DDX60L: variants seen among roughly 807,000 people sequenced by gnomAD.
DDX60L encodes the protein probable ATP-dependent RNA helicase DDX60-like.
In DDX60L, 191 loss-of-function variants were observed where a neutral mutation model predicts 211.6. The ratio of observed to expected loss-of-function variants is 0.90; its 90% CI spans 0.80 to 1.02. The LOEUF (loss-of-function observed/expected upper bound fraction) is 1.02, where lower values mean the gene tolerates loss of function less well. Among genes scored for constraint, DDX60L ranks in the 50% least tolerant of loss-of-function variants. The probability of loss-of-function intolerance (pLI) is 0.00; values close to 1 mark genes in which losing one functional copy is unlikely to be tolerated. For missense variants in DDX60L, 2,007 were observed against 1,984.1 expected, an observed-to-expected ratio of 1.01 and a Z score of -0.22; for synonymous variants, 706 against 694.1, an observed-to-expected ratio of 1.02 and a Z score of -0.27.
At chr4:168,447,306 G>A (rs375681025) in intron 9 of DDX60L, among the ~76,000 whole-genome samples, 5,225 of 148,350 alleles carry the variant, frequency 0.035, 178 homozygotes, top group Non-Finnish European at 0.044. Flanking sequence ...GGCCATCAGA[G>A]AAATGCAAAT....
chr4:168,467,250 A>T (rs1387121908), intron 4 of DDX60L, among the ~76,000 whole-genome samples: 1 of 152,090 alleles, frequency 6.6e-6, no homozygotes, highest in African/African-American at 2.4e-5. Context: ...CTTTATAAAA[A>T]ATACAAAAAT....
chr4:168,378,306 A>T (rs1358352424), intron 33 of DDX60L, 48 bp downstream of exon 33: 1 of 1,141,466 alleles, frequency 8.8e-7, no homozygotes, highest in Admixed American at 2.4e-5. Flanking sequence ...AGTAGCATAC[A>T]TTTAATAACT....
intron 29 of DDX60L, among the ~76,000 whole-genome samples, chr4:168,390,980 G>C (rs946315650): frequency 6.8e-6 from 1 of 147,522 alleles, no homozygotes. Context: ...TAAAAAAAAA[G>C]CATACTCCCA....
intron 9 of DDX60L, among the ~76,000 whole-genome samples, chr4:168,443,043 C>T (rs1158900453): frequency 3.3e-5 from 5 of 152,150 alleles, no homozygotes; most frequent in East Asian, 1.9e-4. Flanking sequence ...CTTTGATGAG[C>T]TGAGAGAAGA....
intron 5 of DDX60L, among the ~76,000 whole-genome samples, chr4:168,458,403 C>A (rs557628486): frequency 6.6e-6 from 1 of 152,236 alleles, no homozygotes; most frequent in South Asian, 2.1e-4. Flanking sequence ...GAAATCAACC[C>A]AAATGCCCAT....
Position 168,400,950 on chromosome 4 carries a change from C to T in DDX60L, c.3367G>A (p.Ala1123Thr). 1 of 1,613,824 alleles carries T rather than the reference C, an allele frequency of 6.2e-7. No individual in the cohort carries two copies. The highest frequency in any genetic ancestry group is 8.5e-7 in the Non-Finnish European group (1 of 1,179,816). The part of the protein sequence containing the change: ...LFKNDDVGKR[A>T]GSVCTFLEKT... Reference sequence around the variant, plus strand: ...TCCAGAAAAGTGCACACACTTCCAGCTCTTTTTCCCACATCATCATTCTTA... The same window carrying T: ...TCCAGAAAAGTGCACACACTTCCAGTTCTTTTTCCCACATCATCATTCTTA... Residue 1123 changes from alanine (A) to threonine (T), a missense_variant, in exon 26 of 38, where the codon GCT becomes ACT. Coordinates refer to ENST00000682922, the MANE Select transcript of DDX60L (RefSeq NM_001012967.3).
intron 4 of DDX60L, chr4:168,469,174 C>T (rs1758403839): frequency 6.6e-6 from 1 of 152,146 alleles, no homozygotes; most frequent in Non-Finnish European, 1.5e-5. Context: ...TAAAATTACA[C>T]AAATCAGGAC....
At chr4:168,423,064 G>A (rs894725504) in intron 15 of DDX60L, among the ~76,000 whole-genome samples, 1 of 151,446 alleles carries the variant, frequency 6.6e-6, no homozygotes, top group Non-Finnish European at 1.5e-5. Context: ...CAAGTGATCT[G>A]CTCACCTTGA....
chr4:168,415,758 T>A lies in DDX60L; in HGVS notation c.2768A>T (p.Lys923Met). The A allele has an allele frequency of 6.3e-7, 1 of 1,587,864 alleles. No homozygotes were observed. The highest frequency in any genetic ancestry group is 8.6e-7 in the Non-Finnish European group (1 of 1,165,706). ...SVKQYWKQAD[K>M]IMEEKCISEK... ...AGAAATACATTTCTCTTCCATAATC[T>A]TGTCTGCCTGTTTCCAGTACTGTTT... Residue 923 changes from lysine (K) to methionine (M), a missense_variant, in exon 21 of 38, where the codon AAG (lysine) becomes ATG (methionine). Transcript: ENST00000682922.
In DDX60L at chr4:168,358,146, G is replaced by A; in HGVS notation, c.*1C>T. On this transcript the variant is annotated 3_prime_UTR_variant, in exon 38 of 38. Transcript: ENST00000682922. ...ATCAGACTTGAAAGTTTTCCATGGTGTTATTCTAAATGATTTTGACTCATT... is the reference window on the plus strand; with the variant it reads ...ATCAGACTTGAAAGTTTTCCATGGTATTATTCTAAATGATTTTGACTCATT... 6.2e-7 allele frequency: 1 copy of A among 1,607,920 alleles called. No homozygotes were observed. Among genetic ancestry groups the A allele is most frequent in the Non-Finnish European group, 8.5e-7 (1 of 1,176,722 alleles).
In DDX60L at chr4:168,419,492, T is replaced by C. The variant is rs2149862526; in HGVS notation, c.2515-95A>G. On this transcript the variant is annotated intron_variant, in intron 18 of 37. Coordinates refer to ENST00000682922, the MANE Select transcript of DDX60L (RefSeq NM_001012967.3). ...AACCTAGAAAATATGCTGCTGCTGATAGCAGTTTCATTAAGATAATATTGC... is the reference window on the plus strand; with the variant it reads ...AACCTAGAAAATATGCTGCTGCTGACAGCAGTTTCATTAAGATAATATTGC... 5 of 745,756 alleles carry C rather than the reference T, an allele frequency of 6.7e-6. No individual in the cohort carries two copies. In the South Asian group the frequency reaches 7.5e-5, roughly 11 times the overall value. 46.2% of individuals were successfully genotyped at this position (745,756 alleles called of 1,614,324 possible).
At chr4:168,469,050 G>A (rs774387076) in intron 4 of DDX60L, 12 of 152,220 alleles carry the variant, frequency 7.9e-5, no homozygotes, top group Middle Eastern at 3.4e-3. Context: ...AAATCCCATC[G>A]TTCTTTTTAA....
intron 4 of DDX60L, among the ~76,000 whole-genome samples, chr4:168,465,881 G>C (rs1310726722): frequency 6.6e-6 from 1 of 152,070 alleles, no homozygotes; most frequent in African/African-American, 2.4e-5. Flanking sequence ...GTACCATGCT[G>C]TTTGGGTTAC....
intron 15 of DDX60L, among the ~76,000 whole-genome samples, chr4:168,422,948 T>C (rs991040364): frequency 2.1e-5 from 3 of 143,900 alleles, no homozygotes; most frequent in Non-Finnish European, 4.5e-5. Flanking sequence ...TACAGGCACA[T>C]GCTATCAATT....
chr4:168,459,963 T>A (rs1056948435), intron 5 of DDX60L, among the ~76,000 whole-genome samples: 15 of 152,114 alleles, frequency 9.9e-5, no homozygotes, highest in African/African-American at 3.6e-4. Context: ...CTTAATTACA[T>A]GAAGAATGTT....
chr4:168,372,780 G>A (rs1291082069), intron 35 of DDX60L, among the ~76,000 whole-genome samples: 1 of 151,678 alleles, frequency 6.6e-6, no homozygotes, highest in Non-Finnish European at 1.5e-5. Flanking sequence ...GGGAGGGAAG[G>A]GAAGGGAAGA....
intron 26 of DDX60L, 78 bp from the exon 27 acceptor site, chr4:168,396,202 C>T: frequency 1.1e-6 from 1 of 881,012 alleles, no homozygotes; most frequent in Admixed American, 3.3e-5. Flanking sequence ...TAAGGCCCCA[C>T]AGATTTCCCT....
intron 4 of DDX60L, among the ~76,000 whole-genome samples, chr4:168,462,977 T>C (rs1396527364): frequency 6.6e-6 from 1 of 151,998 alleles, no homozygotes; most frequent in African/African-American, 2.4e-5. Flanking sequence ...AGAGTTAAAA[T>C]AACTCAACAT....
chr4:168,408,170 G>A (rs1387330), intron 22 of DDX60L, among the ~76,000 whole-genome samples: 52,379 of 151,986 alleles, frequency 0.34, 9,009 homozygotes, highest in East Asian at 0.42. Flanking sequence ...TACTAATGCT[G>A]TGCTTCTATT....
Sources: gnomAD v4.1 joint callset for allele counts (sites outside exome capture counted in the v4.1 genomes callset) on GRCh38, gnomAD v4.1.1 for gene constraint, MANE v1.5 for transcripts, NCBI Gene and HGNC (gene_info 2026-07-23, HGNC 2026-07-21) for gene names.